Variants in KCNK1 observed in about 807,000 individuals in gnomAD.
The protein encoded by KCNK1 is potassium channel subfamily K member 1.
In KCNK1, 10 loss-of-function variants were observed where a neutral mutation model predicts 22.2. The observed-to-expected ratio is 0.45, with a 90% CI of 0.28 to 0.76. The LOEUF (loss-of-function observed/expected upper bound fraction) is 0.76, where lower values mean the gene tolerates loss of function less well. Ranked by LOEUF, KCNK1 falls within the 30% of genes least tolerant of loss-of-function variation. KCNK1 has a pLI of 0.14. For missense variants in KCNK1, 378 were observed against 421.0 expected, an observed-to-expected ratio of 0.90 and a Z score of 0.89; for synonymous variants, 200 against 186.4, an observed-to-expected ratio of 1.07 and a Z score of -0.60.
chr1:233,621,604 G>A (rs1273192761), intron 1 of KCNK1, among the ~76,000 whole-genome samples: 1 of 152,190 alleles, frequency 6.6e-6, no homozygotes. Flanking sequence ...GCAGGGAAGT[G>A]TATAATAAAT....
chr1:233,635,161 A>T (rs1413615384), intron 1 of KCNK1, among the ~76,000 whole-genome samples: 1 of 152,234 alleles, frequency 6.6e-6, no homozygotes, highest in Non-Finnish European at 1.5e-5. Context: ...AGCAGTTATC[A>T]ATTTGTGAAA....
chr1:233,627,836 C>A (rs1571891137), intron 1 of KCNK1, among the ~76,000 whole-genome samples: 1 of 152,194 alleles, frequency 6.6e-6, no homozygotes, highest in African/African-American at 2.4e-5. Context: ...AAGCAAATTT[C>A]TGTTAGTAGT....
rs182596985 is a variant in KCNK1 at position 233,660,875 on chromosome 1, G to A, written c.356-5720G>A. Among the ~76,000 whole-genome samples, 289 of 152,244 alleles carry A rather than the reference G, an allele frequency of 1.9e-3. 4 individuals are homozygous for A. The highest frequency in any genetic ancestry group is 4.3e-4 in the Non-Finnish European group (29 of 68,016). On this transcript the variant is annotated intron_variant, in intron 1 of 2. Coordinates refer to ENST00000366621, the MANE Select transcript of KCNK1 (RefSeq NM_002245.4). ...ACTTGAGTTGACTTTTGATGCATCC[G>A]TGTCCTTTGTATCATATAATATATC...
chr1:233,655,028 C>T (rs933522319), intron 1 of KCNK1, among the ~76,000 whole-genome samples: 1 of 152,122 alleles, frequency 6.6e-6, no homozygotes, highest in African/African-American at 2.4e-5. Flanking sequence ...GTCATAGACA[C>T]GATTCTAGCT....
chr1:233,647,546 A>G (rs1268852857), intron 1 of KCNK1, among the ~76,000 whole-genome samples: 1 of 152,080 alleles, frequency 6.6e-6, no homozygotes, highest in Admixed American at 6.6e-5. Context: ...TTACCTGCTC[A>G]TCGTCTGTTC....
In KCNK1 at chr1:233,671,492, C is replaced by T. The variant is rs1182262314; in HGVS notation, c.973C>T (p.Gln325Ter). 4 of 1,614,028 alleles carry T rather than the reference C, an allele frequency of 2.5e-6. No individual in the cohort carries two copies. Among genetic ancestry groups the T allele is most frequent in the Non-Finnish European group, 3.4e-6 (4 of 1,180,038 alleles). The change falls in exon 3 of 3, where the codon CAG becomes TAG. Residue 325 changes from glutamine to a stop codon, truncating the protein, a stop_gained. Coordinates refer to ENST00000366621, the MANE Select transcript of KCNK1 (RefSeq NM_002245.4). LOFTEE classifies it low-confidence loss of function (END_TRUNC). ...GCAAAATGAGCCTTTTGTGGCCACC[C>T]AGTCATCTGCCTGCGTGGATGGCCC... ...QKQNEPFVAT[Q>*]SSACVDGPAN...
At chr1:233,633,184 T>G (rs2102889679) in intron 1 of KCNK1, among the ~76,000 whole-genome samples, 1 of 150,718 alleles carries the variant, frequency 6.6e-6, no homozygotes, top group Non-Finnish European at 1.5e-5. Context: ...TGGTTTCTTT[T>G]GTGACCCTGA....
intron 1 of KCNK1, among the ~76,000 whole-genome samples, chr1:233,623,968 G>A (rs1341016480): frequency 6.6e-6 from 1 of 152,174 alleles, no homozygotes; most frequent in Non-Finnish European, 1.5e-5. Context: ...CAGGTAGAAT[G>A]TTTCTAAGGG....
chr1:233,649,856 G>T, intron 1 of KCNK1: 1 of 451,036 alleles, frequency 2.2e-6, no homozygotes, highest in East Asian at 6.2e-5. Flanking sequence ...TGAAATCTTT[G>T]GGCACCCAGC....
intron 1 of KCNK1, among the ~76,000 whole-genome samples, chr1:233,621,762 A>G (rs958975046): frequency 5.3e-5 from 8 of 152,268 alleles, no homozygotes; most frequent in African/African-American, 1.9e-4. Context: ...GTTATTATCT[A>G]TGCCTATTTT....
chr1:233,655,775 A>G (rs2102904380), intron 1 of KCNK1: 1 of 153,170 alleles, frequency 6.5e-6, no homozygotes, highest in Non-Finnish European at 1.5e-5. Flanking sequence ...TGGTGCCTTG[A>G]TCAGAGACTT....
In KCNK1 at chr1:233,671,337, T is replaced by C. The variant is rs1198629786; in HGVS notation, c.818T>C (p.Leu273Pro). 6.2e-7 allele frequency: 1 copy of C among 1,614,058 alleles called. No homozygotes were observed. Among genetic ancestry groups the C allele is most frequent in the Non-Finnish European group, 8.5e-7 (1 of 1,180,038 alleles). The change falls in exon 3 of 3, where the codon CTG becomes CCG. Residue 273 changes from leucine (L) to proline (P), a missense_variant. Coordinates refer to ENST00000366621, the MANE Select transcript of KCNK1 (RefSeq NM_002245.4). ...GAAACCTTCTGTGAACTCCATGAGCTGAAAAAATTCAGAAAAATGTTCTAT... is the reference window on the plus strand; with the variant it reads ...GAAACCTTCTGTGAACTCCATGAGCCGAAAAAATTCAGAAAAATGTTCTAT... ...VLETFCELHE[L>P]KKFRKMFYVK...
At chr1:233,618,344 A>G (rs1227857374) in intron 1 of KCNK1, among the ~76,000 whole-genome samples, 6 of 151,650 alleles carry the variant, frequency 4.0e-5, no homozygotes, top group Non-Finnish European at 8.8e-5. Context: ...AAAAGGAGGT[A>G]TTATAGACTG....
Position 233,667,580 on chromosome 1 carries a change from A to T in KCNK1, c.751+590A>T, listed in dbSNP as rs191539552. Among the ~76,000 whole-genome samples the T allele has an allele frequency of 7.9e-3, 1,205 of 151,796 alleles. 6 individuals are homozygous for T. Among genetic ancestry groups the T allele is most frequent in the Non-Finnish European group, 0.013 (897 of 67,878 alleles). On this transcript the variant is annotated intron_variant, in intron 2 of 2. Transcript: ENST00000366621. ...CCCGTCTGTACTAAAAATACAAAAA[A>T]TTAGCCGGGCGTGGTAGCGGGCGCC... is the stretch of plus-strand genomic sequence containing the variant.
intron 1 of KCNK1, among the ~76,000 whole-genome samples, chr1:233,640,893 C>T (rs1010059792): frequency 1.2e-4 from 19 of 152,046 alleles, no homozygotes. Flanking sequence ...TTAGTAGAAA[C>T]GGGGTTTTGC....
intron 1 of KCNK1, among the ~76,000 whole-genome samples, chr1:233,623,301 T>C (rs1657625239): frequency 6.7e-6 from 1 of 149,716 alleles, no homozygotes; most frequent in Non-Finnish European, 1.5e-5. Flanking sequence ...GGAGGGGGGA[T>C]GGGGAGAGAT....
intron 1 of KCNK1, among the ~76,000 whole-genome samples, chr1:233,619,941 AG>A (rs35124712): frequency 2.0e-3 from 5 of 2,462 alleles, no homozygotes; most frequent in African/African-American, 5.9e-3. Flanking sequence ...GCGGGGGGGC[AG>A]GGGGGTGAAG....
intron 1 of KCNK1, among the ~76,000 whole-genome samples, chr1:233,636,927 T>TGGC (rs1372859598): frequency 1.3e-5 from 2 of 152,054 alleles, no homozygotes; most frequent in African/African-American, 4.8e-5. Context: ...CCAGGTGTGG[T>TGGC]GGCTCACGCC....
intron 1 of KCNK1, chr1:233,631,540 G>A (rs945076891): frequency 1.5e-5 from 5 of 324,340 alleles, no homozygotes; most frequent in African/African-American, 1.1e-4. Context: ...AGACATTATG[G>A]TTTTGAAAAC....
Sources: gnomAD v4.1 joint callset for allele counts (sites outside exome capture counted in the v4.1 genomes callset) on GRCh38, gnomAD v4.1.1 for gene constraint, MANE v1.5 for transcripts, NCBI Gene and HGNC (gene_info 2026-07-23, HGNC 2026-07-21) for gene names.